CETP: variants seen among roughly 807,000 people sequenced by gnomAD.
The protein encoded by CETP is cholesteryl ester transfer protein.
In CETP, 56 loss-of-function variants were observed where a neutral mutation model predicts 66.5. The ratio of observed to expected loss-of-function variants is 0.84; its 90% confidence interval spans 0.68 to 1.05. The LOEUF (loss-of-function observed/expected upper bound fraction) is 1.05, where lower values mean the gene tolerates loss of function less well. Ranked by LOEUF, CETP falls within the 50% of genes least tolerant of loss-of-function variation. CETP has a pLI of 0.00. For missense variants in CETP, 612 were observed against 609.6 expected, an observed-to-expected ratio of 1.00 and a Z score of -0.04; for synonymous variants, 251 against 245.7, an observed-to-expected ratio of 1.02 and a Z score of -0.20.
intron 2 of CETP, among the ~76,000 whole-genome samples, chr16:56,965,127 T>G (rs1298560091): frequency 6.6e-6 from 1 of 152,146 alleles, no homozygotes; most frequent in Admixed American, 6.5e-5. Context: ...CCTAGACCTA[T>G]GTGTTGCAAG....
At position 56,981,184 on chromosome 16, in the gene CETP, C is replaced by T. The variant is rs2056184636; in HGVS notation, c.1173C>T (p.Ser391=). 2 of 1,613,878 alleles carry T rather than the reference C, an allele frequency of 1.2e-6. No individual in the cohort carries two copies. Among genetic ancestry groups the T allele is most frequent in the East Asian group, 2.2e-5 (1 of 44,880 alleles). Residue 391 remains serine (S), a synonymous_variant, in exon 12 of 16, where the codon TCC becomes TCT. Transcript: ENST00000200676. ...EEDIVTTVQA[S]YSKKKLFLSL... ...ATATCGTGACTACCGTCCAGGCCTC[C>T]TATTCTAAGAAAAAGCTCTTCTTAA...
intron 10 of CETP, 144 bp downstream of exon 10, chr16:56,975,295 G>A (rs2056142072): frequency 1.4e-6 from 1 of 730,786 alleles, no homozygotes. Context: ...GTTCGGCATG[G>A]AGTGAAGCAC....
chr16:56,974,314 C>T (rs2056134518), intron 9 of CETP, among the ~76,000 whole-genome samples: 2 of 152,288 alleles, frequency 1.3e-5, no homozygotes, highest in South Asian at 4.2e-4. Flanking sequence ...CTGTGCACGG[C>T]GGTGCATACC....
At chr16:56,963,262 T>C in intron 2 of CETP, 138 bp downstream of exon 2, 1 of 709,356 alleles carries the variant, frequency 1.4e-6, no homozygotes. Flanking sequence ...AACCAGAGCC[T>C]GACACCTTCC....
At chr16:56,969,289 T>G in intron 2 of CETP, 97 bp from the exon 3 acceptor site, 3 of 1,521,706 alleles carry the variant, frequency 2.0e-6, no homozygotes, top group Non-Finnish European at 2.7e-6. Flanking sequence ...GGGGCCATGA[T>G]TCTATCTTCC....
chr16:56,964,692 T>C (rs901874068), intron 2 of CETP, among the ~76,000 whole-genome samples: 22 of 152,218 alleles, frequency 1.4e-4, no homozygotes, highest in African/African-American at 5.1e-4. Flanking sequence ...TGGTAAATGT[T>C]TCTGAGCCAC....
At chr16:56,969,581 T>G (rs753583773) in intron 3 of CETP, 30 bp from the exon 4 acceptor site, 1 of 1,614,250 alleles carries the variant, frequency 6.2e-7, no homozygotes, top group East Asian at 2.2e-5. Context: ...GAGGGCTGAA[T>G]GAGGGTCCTG....
chr16:56,972,117 C>A (rs781186655), intron 8 of CETP, 34 bp downstream of exon 8: 2 of 1,553,418 alleles, frequency 1.3e-6, no homozygotes. Context: ...CAGGGCCCAG[C>A]TTCCCCAGGG....
At chr16:56,968,375 C>T (rs1052886735) in intron 2 of CETP, among the ~76,000 whole-genome samples, 106 of 152,134 alleles carry the variant, frequency 7.0e-4, no homozygotes, top group African/African-American at 2.5e-3. Context: ...TTTGTGGAGA[C>T]GAGATTTCAC....
At chr16:56,966,829 G>A (rs1596996620) in intron 2 of CETP, among the ~76,000 whole-genome samples, 2 of 150,948 alleles carry the variant, frequency 1.3e-5, no homozygotes, top group East Asian at 4.0e-4. Context: ...TGGCCAGGCT[G>A]GTCTCGAACT....
chr16:56,971,920 G>A, intron 7 of CETP, 72 bp from the exon 8 acceptor site: 2 of 1,307,290 alleles, frequency 1.5e-6, no homozygotes, highest in Non-Finnish European at 2.2e-6. Context: ...GTAGCTGTGT[G>A]GATGCAGGGG....
intron 10 of CETP, among the ~76,000 whole-genome samples, chr16:56,975,444 G>C (rs1024952772): frequency 1.2e-4 from 18 of 152,160 alleles, no homozygotes; most frequent in Middle Eastern, 3.2e-3. Context: ...CAAAGATAAG[G>C]CTCCATTCCC....
chr16:56,971,176 T>C, intron 6 of CETP, 74 bp downstream of exon 6: 2 of 1,555,532 alleles, frequency 1.3e-6, no homozygotes, highest in South Asian at 2.2e-5. Flanking sequence ...TCCCTGCCTT[T>C]CCCTGAGAAG....
intron 2 of CETP, among the ~76,000 whole-genome samples, chr16:56,967,363 CA>C (rs1235736181): frequency 6.2e-4 from 59 of 94,742 alleles, no homozygotes; most frequent in South Asian, 3.0e-3. Flanking sequence ...AACAAACAAA[CA>C]AAAAAAACGG....
At chr16:56,963,759 T>C (rs930352741) in intron 2 of CETP, among the ~76,000 whole-genome samples, 33 of 152,062 alleles carry the variant, frequency 2.2e-4, no homozygotes, top group African/African-American at 7.7e-4. Flanking sequence ...AACCTCCGTC[T>C]CTGGGTTCAA....
At chr16:56,967,526 G>A (rs12444012) in intron 2 of CETP, among the ~76,000 whole-genome samples, 50,463 of 151,298 alleles carry the variant, frequency 0.33, 9,805 homozygotes, top group South Asian at 0.44. Flanking sequence ...GTCGTGGCGG[G>A]AGCCTGTAAT....
intron 1 of CETP, among the ~76,000 whole-genome samples, 197 bp from the exon 2 acceptor site, chr16:56,962,813 A>G (rs533056189): frequency 6.6e-6 from 1 of 152,268 alleles, no homozygotes; most frequent in South Asian, 2.1e-4. Context: ...AGCTGGGGTC[A>G]GGGTCAGAGC....
intron 9 of CETP, among the ~76,000 whole-genome samples, chr16:56,973,864 T>A (rs2056131410): frequency 6.6e-6 from 1 of 152,012 alleles, no homozygotes; most frequent in Non-Finnish European, 1.5e-5. Context: ...TCTAAGGGGG[T>A]CTGCATGAGA....
intron 2 of CETP, among the ~76,000 whole-genome samples, chr16:56,964,043 T>C (rs542446757): frequency 8.0e-6 from 1 of 124,984 alleles, no homozygotes; most frequent in Non-Finnish European, 1.7e-5. Flanking sequence ...TATTTATTTA[T>C]TGAGATGGAG....
Sources: gnomAD v4.1 joint callset for allele counts (sites outside exome capture counted in the v4.1 genomes callset) on GRCh38, gnomAD v4.1.1 for gene constraint, MANE v1.5 for transcripts, NCBI Gene and HGNC (gene_info 2026-07-23, HGNC 2026-07-21) for gene names.